HS3ST5: variants seen among roughly 807,000 people sequenced by gnomAD.
The protein encoded by HS3ST5 is heparan sulfate-glucosamine 3-sulfotransferase 5, also known as heparan sulfate glucosamine 3-O-sulfotransferase 5.
In HS3ST5, 10 loss-of-function variants were observed where a neutral mutation model predicts 25.4. The observed-to-expected ratio is 0.39, with a 90% CI of 0.24 to 0.67. The LOEUF (loss-of-function observed/expected upper bound fraction) is 0.67, where lower values mean the gene tolerates loss of function less well. Ranked by LOEUF, HS3ST5 falls within the 30% of genes least tolerant of loss-of-function variation. The pLI, the probability that HS3ST5 is intolerant of heterozygous loss-of-function variation, is 0.44. For missense variants in HS3ST5, 324 were observed against 420.7 expected, an observed-to-expected ratio of 0.77 and a Z score of 2.01; for synonymous variants, 170 against 162.4, an observed-to-expected ratio of 1.05 and a Z score of -0.36.
At chr6:114,266,043 AT>A (rs1773391213) in intron 1 of HS3ST5, among the ~76,000 whole-genome samples, 2 of 152,120 alleles carry the variant, frequency 1.3e-5, no homozygotes, top group Admixed American at 1.3e-4. Flanking sequence ...TCACCCAAAT[AT>A]CCCACAGGAA....
intron 1 of HS3ST5, among the ~76,000 whole-genome samples, chr6:114,281,213 C>T (rs1408415373): frequency 6.6e-6 from 1 of 151,926 alleles, no homozygotes; most frequent in Non-Finnish European, 1.5e-5. Flanking sequence ...CATCCTTAGT[C>T]CGTAGTATAA....
rs1582830245 is a variant in HS3ST5 at position 114,342,599 on chromosome 6, C to G, written c.-743G>C. Reference sequence around the variant, plus strand: ...GCACGGCACGGGCGGCCGCAGGAGCCGGAGTCCGCGCAGTGCCGGAGACCG... The same window carrying G: ...GCACGGCACGGGCGGCCGCAGGAGCGGGAGTCCGCGCAGTGCCGGAGACCG... On this transcript the variant is annotated 5_prime_UTR_variant, in exon 1 of 5. Transcript: ENST00000312719. 1 of 153,928 alleles carries G rather than the reference C, an allele frequency of 6.5e-6. No individual in the cohort carries two copies. The highest frequency in any genetic ancestry group is 2.4e-5 in the African/African-American group (1 of 41,432). 9.5% of individuals were successfully genotyped at this position (153,928 alleles called of 1,614,324 possible).
At chr6:114,161,557 A>G (rs1299513910) in intron 3 of HS3ST5, among the ~76,000 whole-genome samples, 2 of 106,870 alleles carry the variant, frequency 1.9e-5, no homozygotes, top group Non-Finnish European at 3.9e-5. Flanking sequence ...ATATATATAT[A>G]TATATATATA....
At chr6:114,065,628 T>C (rs1202137846) in intron 3 of HS3ST5, among the ~76,000 whole-genome samples, 1 of 152,230 alleles carries the variant, frequency 6.6e-6, no homozygotes, top group Non-Finnish European at 1.5e-5. Flanking sequence ...TTTATTAGCT[T>C]GCCAGACTAA....
At chr6:114,080,048 A>T (rs1416592673) in intron 3 of HS3ST5, among the ~76,000 whole-genome samples, 1 of 152,186 alleles carries the variant, frequency 6.6e-6, no homozygotes, top group Non-Finnish European at 1.5e-5. Context: ...AAGTGCTGGG[A>T]TTATAGGCGT....
Position 114,168,384 on chromosome 6 carries a change from T to C in HS3ST5, c.-66A>G, listed in dbSNP as rs1779315976. On this transcript the variant is annotated 5_prime_UTR_variant, in exon 3 of 5. Coordinates refer to ENST00000312719, the MANE Select transcript of HS3ST5 (RefSeq NM_153612.4). ...AGACAGGTCCCTATTATTCCAGCGA[T>C]GATTATCTTGTTGGCGGGTATTCCA... The C allele has an allele frequency of 6.6e-6, 1 of 152,186 alleles. No individual in the cohort carries two copies. The highest frequency in any genetic ancestry group is 1.9e-4 in the East Asian group (1 of 5,184). The allele number at this position is 152,186 out of a possible 1,614,324, so 9.4% of individuals were successfully genotyped here. A position where few individuals can be genotyped will look rare whatever the true frequency, so the allele number is the denominator to read the frequency against.
At chr6:114,079,888 G>C (rs1774350898) in intron 3 of HS3ST5, among the ~76,000 whole-genome samples, 1 of 152,082 alleles carries the variant, frequency 6.6e-6, no homozygotes, top group African/African-American at 2.4e-5. Flanking sequence ...CGATTCTCCT[G>C]CCTTAGCCTC....
rs542896539 is a variant in HS3ST5 at position 114,196,664 on chromosome 6, A to G, written c.-144-28202T>C. On this transcript the variant is annotated intron_variant, in intron 2 of 4. Coordinates refer to ENST00000312719, the MANE Select transcript of HS3ST5 (RefSeq NM_153612.4). ...CAGGCTGGAGCTCCACAAAAAAAAA[A>G]AAAAGACCTAAAATTCCATAGAAGT... Among the ~76,000 whole-genome samples the G allele has an allele frequency of 2.6e-5, 4 of 152,284 alleles. No homozygotes were observed. In the East Asian group the frequency reaches 7.7e-4, roughly 29 times the overall value.
chr6:114,309,712 G>A (rs892973813), intron 1 of HS3ST5, among the ~76,000 whole-genome samples: 3 of 152,154 alleles, frequency 2.0e-5, no homozygotes, highest in South Asian at 4.1e-4. Context: ...CAGCCTGGGC[G>A]ACAGAGTGAG....
intron 3 of HS3ST5, chr6:114,116,139 C>T (rs550134847): frequency 6.6e-6 from 1 of 152,056 alleles, no homozygotes; most frequent in East Asian, 1.9e-4. Context: ...CTTTGGCGTT[C>T]TCAGAAGAAA....
intron 3 of HS3ST5, among the ~76,000 whole-genome samples, chr6:114,092,446 G>T (rs1775167368): frequency 6.7e-6 from 1 of 150,332 alleles, no homozygotes; most frequent in African/African-American, 2.4e-5. Context: ...CTGAAACTTA[G>T]CACACCTAAA....
Position 114,056,090 on chromosome 6 carries a change from C to A in HS3ST5, c.*1167G>T. 6.6e-6 allele frequency: 1 copy of A among 152,148 alleles called. No individual in the cohort carries two copies. Among genetic ancestry groups the A allele is most frequent in the East Asian group, 1.9e-4 (1 of 5,194 alleles). 9.4% of individuals were successfully genotyped at this position (152,148 alleles called of 1,614,324 possible). A position where few individuals can be genotyped will look rare whatever the true frequency, so the allele number is the denominator to read the frequency against. ...AGAGTTTTCTAATCTTATTTAATTT[C>A]TCTACTGGTCTGACTCTGATTAGAG... is the stretch of plus-strand genomic sequence containing the variant. On this transcript the variant is annotated 3_prime_UTR_variant, in exon 5 of 5. Transcript: ENST00000312719.
At chr6:114,322,878 A>G (rs897105262) in intron 1 of HS3ST5, among the ~76,000 whole-genome samples, 2 of 152,184 alleles carry the variant, frequency 1.3e-5, no homozygotes, top group African/African-American at 4.8e-5. Context: ...TCCTTGCTTC[A>G]TGGATGTCAG....
intron 1 of HS3ST5, among the ~76,000 whole-genome samples, chr6:114,233,915 A>G (rs547781243): frequency 1.3e-5 from 2 of 152,336 alleles, no homozygotes; most frequent in East Asian, 3.9e-4. Context: ...GAAAACATGC[A>G]TAGGGAACAT....
chr6:114,309,909 A>C (rs1468557427), intron 1 of HS3ST5, among the ~76,000 whole-genome samples: 85 of 152,226 alleles, frequency 5.6e-4, no homozygotes. Context: ...GCTCTTTTCC[A>C]ACTTTGATTT....
chr6:114,078,574 G>A (rs1774274364), intron 3 of HS3ST5, among the ~76,000 whole-genome samples: 1 of 151,994 alleles, frequency 6.6e-6, no homozygotes, highest in South Asian at 2.1e-4. Context: ...ACATTTTATT[G>A]GACTTTCACA....
At chr6:114,212,332 A>C (rs1364256446) in intron 2 of HS3ST5, among the ~76,000 whole-genome samples, 1 of 152,196 alleles carries the variant, frequency 6.6e-6, no homozygotes, top group Non-Finnish European at 1.5e-5. Context: ...TTCAGTTGGG[A>C]GATGTATGGA....
At chr6:114,201,037 C>T (rs1780988182) in intron 2 of HS3ST5, among the ~76,000 whole-genome samples, 2 of 152,184 alleles carry the variant, frequency 1.3e-5, no homozygotes, top group African/African-American at 2.4e-5. Flanking sequence ...AGCTCCTCTA[C>T]GAACAGAGCA....
At chr6:114,130,941 T>G (rs1436498376) in intron 3 of HS3ST5, among the ~76,000 whole-genome samples, 2 of 152,140 alleles carry the variant, frequency 1.3e-5, no homozygotes, top group Non-Finnish European at 2.9e-5. Context: ...CTCAGGAGGT[T>G]GAGGCAGGGA....
Sources: allele counts gnomAD v4.1 joint callset (sites outside exome capture counted in the v4.1 genomes callset), GRCh38; gene constraint gnomAD v4.1.1; transcripts MANE v1.5; gene names NCBI Gene and HGNC (gene_info 2026-07-23, HGNC 2026-07-21).